GPC5: variants seen among roughly 807,000 people sequenced by gnomAD.
GPC5 encodes the protein glypican-5.
A neutral mutation model predicts 53.9 loss-of-function variants in GPC5; 47 were observed. The observed-to-expected ratio is 0.87, with a 90% CI of 0.69 to 1.11. The LOEUF is 1.11. Ranked by LOEUF, GPC5 falls within the 50% of genes most tolerant of loss-of-function variation. The pLI, the probability that GPC5 is intolerant of heterozygous loss-of-function variation, is 0.00. For missense variants in GPC5, 748 were observed against 713.1 expected (o/e 1.05, Z -0.56); for synonymous variants, 286 against 263.3 (o/e 1.09, Z -0.84).
intron 5 of GPC5, among the ~76,000 whole-genome samples, chr13:91,827,426 G>C (rs2038592357): frequency 6.6e-6 from 1 of 151,820 alleles, no homozygotes; most frequent in Non-Finnish European, 1.5e-5. Context: ...TCTATATTGG[G>C]TAAAGGCTGG....
At chr13:92,401,180 T>A (rs956665848) in intron 7 of GPC5, among the ~76,000 whole-genome samples, 2 of 151,646 alleles carry the variant, frequency 1.3e-5, no homozygotes, top group East Asian at 3.9e-4. Context: ...GCCATCTATT[T>A]TTTTTTTTTT....
At chr13:92,574,720 TCAAGA>T (rs1883138892) in intron 7 of GPC5, among the ~76,000 whole-genome samples, 1 of 152,172 alleles carries the variant, frequency 6.6e-6, no homozygotes, top group Non-Finnish European at 1.5e-5. Flanking sequence ...GACAGACAAG[TCAAGA>T]CAACTTTGAG....
chr13:92,758,217 T>C (rs1045037587), intron 7 of GPC5, among the ~76,000 whole-genome samples: 38 of 143,248 alleles, frequency 2.7e-4, no homozygotes, highest in South Asian at 6.7e-4. Flanking sequence ...TCATTCTCAG[T>C]AAACTATCGC....
intron 4 of GPC5, among the ~76,000 whole-genome samples, chr13:91,746,936 ATATCCTTCTC>A (rs1470771753): frequency 6.6e-6 from 1 of 152,144 alleles, no homozygotes; most frequent in African/African-American, 2.4e-5. Context: ...AACCATCTCT[ATATCCTTCTC>A]TATCTTTCTA....
At chr13:92,385,373 C>CAT (rs1234087187) in intron 7 of GPC5, among the ~76,000 whole-genome samples, 6 of 78,582 alleles carry the variant, frequency 7.6e-5, no homozygotes, top group Admixed American at 3.2e-4. Context: ...CATATATATA[C>CAT]ATATATACAT....
At chr13:91,823,827 T>C (rs1450200694) in intron 5 of GPC5, among the ~76,000 whole-genome samples, 2 of 152,118 alleles carry the variant, frequency 1.3e-5, no homozygotes, top group African/African-American at 4.8e-5. Flanking sequence ...ATTTCATTTT[T>C]GCTTCATTAG....
chr13:91,573,212 G>A (rs4773638), intron 2 of GPC5, among the ~76,000 whole-genome samples: 72,992 of 152,008 alleles, frequency 0.48, 19,761 homozygotes, highest in African/African-American at 0.75. Flanking sequence ...AATTCATCTG[G>A]CAATCATGAA....
intron 6 of GPC5, among the ~76,000 whole-genome samples, chr13:92,054,501 G>A (rs1265206100): frequency 1.3e-5 from 2 of 151,994 alleles, no homozygotes; most frequent in African/African-American, 4.8e-5. Flanking sequence ...CCAAATTTCT[G>A]ATGCAGGCAT....
At chr13:91,825,241 C>T (rs1014937294) in intron 5 of GPC5, among the ~76,000 whole-genome samples, 3 of 151,908 alleles carry the variant, frequency 2.0e-5, no homozygotes, top group Admixed American at 6.6e-5. Flanking sequence ...TATTCTGTAC[C>T]TAACTTTTTG....
intron 2 of GPC5, among the ~76,000 whole-genome samples, chr13:91,592,682 A>C (rs1040535355): frequency 2.0e-5 from 3 of 152,150 alleles, no homozygotes; most frequent in Non-Finnish European, 4.4e-5. Flanking sequence ...TTGCTGCTCT[A>C]TCCTCTGGAC....
intron 7 of GPC5, among the ~76,000 whole-genome samples, chr13:92,386,995 C>G (rs1410038546): frequency 6.6e-6 from 1 of 152,058 alleles, no homozygotes; most frequent in Non-Finnish European, 1.5e-5. Context: ...GATTACTTGA[C>G]TTGTTCACTA....
intron 1 of GPC5, among the ~76,000 whole-genome samples, chr13:91,420,159 A>G (rs1054138665): frequency 2.0e-5 from 3 of 152,182 alleles, no homozygotes; most frequent in Non-Finnish European, 4.4e-5. Context: ...GATTCTGTGC[A>G]TCAGATTTGG....
At chr13:92,759,037 A>G (rs986048773) in intron 7 of GPC5, among the ~76,000 whole-genome samples, 4 of 139,072 alleles carry the variant, frequency 2.9e-5, no homozygotes, top group Non-Finnish European at 4.6e-5. Flanking sequence ...TCATGAAATA[A>G]TATTAGTTGA....
chr13:91,948,097 G>A (rs1163443212), intron 6 of GPC5, among the ~76,000 whole-genome samples: 5 of 151,644 alleles, frequency 3.3e-5, no homozygotes, highest in African/African-American at 9.7e-5. Context: ...GTGTGGTGGC[G>A]GGCGCCTGTA....
chr13:92,385,799 A>G (rs1232562355), intron 7 of GPC5, among the ~76,000 whole-genome samples: 1 of 88,034 alleles, frequency 1.1e-5, no homozygotes, highest in African/African-American at 4.5e-5. Flanking sequence ...ATATACATAT[A>G]TACGTATATA....
chr13:91,691,514 C>T (rs1220151552), intron 2 of GPC5, among the ~76,000 whole-genome samples: 3 of 152,078 alleles, frequency 2.0e-5, no homozygotes, highest in Admixed American at 6.6e-5. Context: ...TAGTTACTAG[C>T]GATGCACAGG....
At chr13:91,644,078 G>A (rs2034501048) in intron 2 of GPC5, among the ~76,000 whole-genome samples, 1 of 151,804 alleles carries the variant, frequency 6.6e-6, no homozygotes. Context: ...AGGATATATT[G>A]GTAAAATTAA....
intron 7 of GPC5, among the ~76,000 whole-genome samples, chr13:92,166,004 A>G (rs1187528209): frequency 6.6e-6 from 1 of 152,202 alleles, no homozygotes; most frequent in Non-Finnish European, 1.5e-5. Context: ...GATTGTGTAT[A>G]AAAAACTTCA....
chr13:92,228,072 G>A (rs1039679489), intron 7 of GPC5, among the ~76,000 whole-genome samples: 6 of 151,390 alleles, frequency 4.0e-5, no homozygotes, highest in East Asian at 1.9e-4. Flanking sequence ...TTGTCTTCAC[G>A]TTGAGTAGGC....
Sources: gnomAD v4.1 joint callset for allele counts (sites outside exome capture counted in the v4.1 genomes callset) on GRCh38, gnomAD v4.1.1 for gene constraint, MANE v1.5 for transcripts, NCBI Gene and HGNC (gene_info 2026-07-23, HGNC 2026-07-21) for gene names.